Variants in EFCAB5 observed in about 807,000 individuals in gnomAD.
EFCAB5 encodes the protein EF-hand calcium-binding domain-containing protein 5.
In EFCAB5, 131 loss-of-function variants were observed where a neutral mutation model predicts 167.9. That is an observed-to-expected ratio of 0.78 (90% CI 0.68 to 0.90). EFCAB5 has a LOEUF of 0.90. EFCAB5 is among the 40% of genes least tolerant of loss of function. The probability of loss-of-function intolerance (pLI) is 0.00; values close to 1 mark genes in which losing one functional copy is unlikely to be tolerated. For missense variants in EFCAB5, 1,663 were observed against 1,745.2 expected, an observed-to-expected ratio of 0.95 and a Z score of 0.84; for synonymous variants, 574 against 602.8, an observed-to-expected ratio of 0.95 and a Z score of 0.70.
intron 4 of EFCAB5, among the ~76,000 whole-genome samples, chr17:29,986,206 C>A (rs1023913955): frequency 3.9e-5 from 6 of 152,142 alleles, no homozygotes; most frequent in Admixed American, 1.3e-4. Flanking sequence ...GTAGAGTGTC[C>A]TTCTAGACGT....
chr17:29,956,607 C>A (rs2067620841), intron 3 of EFCAB5, among the ~76,000 whole-genome samples: 1 of 152,132 alleles, frequency 6.6e-6, no homozygotes, highest in East Asian at 1.9e-4. Context: ...TATGGAGAAA[C>A]CTTTAGGCCA....
rs1404147642 is a variant in EFCAB5, at chr17:30,083,024, T to C, written c.3560T>C (p.Val1187Ala). The change falls in exon 18 of 23, where the codon GTA becomes GCA. Residue 1187 changes from valine (V) to alanine (A), a missense_variant. Physicochemically the swap from Val to Ala is moderately conservative, Grantham distance 64. Transcript: ENST00000394835. ...ATCACCTCCATCACTACGTACTTTG[T>C]AGAGCCTAGCCCAGCCCAGGTAGGC... Reference protein sequence around the residue: ...SSITSITTYFVEPSPAQDSDY... With the variant: ...SSITSITTYFAEPSPAQDSDY... 4 of 1,613,998 alleles carry C rather than the reference T, an allele frequency of 2.5e-6. No homozygotes were observed. The highest frequency in any genetic ancestry group is 3.4e-6 in the Non-Finnish European group (4 of 1,179,882).
Position 30,090,556 on chromosome 17 carries a change from T to C in EFCAB5, c.3819T>C (p.Asn1273=). ...LGVLDFNIGQ[N]RMLLCQEYKD... ...TCCTCGATTTTAACATCGGCCAAAA[T>C]AGGATGTTGTTGTGTCAAGAATATA... is the stretch of plus-strand genomic sequence containing the variant. The change falls in exon 20 of 23, where the codon AAT becomes AAC. Residue 1273 remains asparagine, a synonymous_variant. Transcript: ENST00000394835. 2 of 1,613,886 alleles carry C rather than the reference T, an allele frequency of 1.2e-6. No homozygotes were observed. The highest frequency in any genetic ancestry group is 1.7e-6 in the Non-Finnish European group (2 of 1,179,872).
chr17:29,930,031 C>G, intron 1 of EFCAB5: 1 of 1,356,388 alleles, frequency 7.4e-7, no homozygotes. Flanking sequence ...CCGGGCAGGG[C>G]ATTCTTGTCC....
At chr17:30,080,000 T>C (rs2070950394) in intron 15 of EFCAB5, 72 bp from the exon 16 acceptor site, 2 of 1,506,708 alleles carry the variant, frequency 1.3e-6, no homozygotes, top group East Asian at 2.3e-5. Flanking sequence ...ATGAATTAAC[T>C]AGTAAGGGGG....
intron 17 of EFCAB5, among the ~76,000 whole-genome samples, chr17:30,082,371 G>A (rs1797590739): frequency 6.7e-6 from 1 of 149,874 alleles, no homozygotes; most frequent in African/African-American, 2.5e-5. Flanking sequence ...AAGGTATGTG[G>A]GTCTCTCTCT....
At chr17:30,063,935 G>A (rs1487734431) in intron 14 of EFCAB5, among the ~76,000 whole-genome samples, 1 of 152,306 alleles carries the variant, frequency 6.6e-6, no homozygotes, top group South Asian at 2.1e-4. Context: ...AAACTGCACA[G>A]AGACTATACC....
chr17:30,102,483 G>A (rs1483361582), intron 22 of EFCAB5, among the ~76,000 whole-genome samples: 1 of 151,796 alleles, frequency 6.6e-6, no homozygotes, highest in Non-Finnish European at 1.5e-5. Context: ...TGATTCTCCT[G>A]CCTCAGCCTC....
chr17:30,089,606 T>C (rs2071155614), intron 19 of EFCAB5, among the ~76,000 whole-genome samples: 1 of 152,184 alleles, frequency 6.6e-6, no homozygotes, highest in African/African-American at 2.4e-5. Context: ...ATAGATGCTC[T>C]ACCCAGATCC....
chr17:30,018,000 A>C (rs1023684670), intron 7 of EFCAB5, among the ~76,000 whole-genome samples: 3 of 152,174 alleles, frequency 2.0e-5, no homozygotes, highest in African/African-American at 7.2e-5. Flanking sequence ...AGTTTTTTAA[A>C]GAAGATCACA....
intron 8 of EFCAB5, among the ~76,000 whole-genome samples, chr17:30,050,134 T>G (rs1028897479): frequency 1.3e-5 from 2 of 151,976 alleles, no homozygotes; most frequent in East Asian, 1.9e-4. Flanking sequence ...TCAGGTACTT[T>G]TTTTTCTTTT....
Position 30,108,134 on chromosome 17 carries a change from T to C in EFCAB5, c.*110T>C. On this transcript the variant is annotated 3_prime_UTR_variant, in exon 23 of 23. Coordinates refer to ENST00000394835, the MANE Select transcript of EFCAB5 (RefSeq NM_198529.4). ...TTGGAAAGGGGTACCTATAAATGTC[T>C]TCTGCTGCTAATATTTATCTCAGCA... is the stretch of plus-strand genomic sequence containing the variant. 8.2e-7 allele frequency: 1 copy of C among 1,225,980 alleles called. No homozygotes were observed. 75.9% of individuals were successfully genotyped at this position (1,225,980 alleles called of 1,614,324 possible). A position where few individuals can be genotyped will look rare whatever the true frequency, so the allele number is the denominator to read the frequency against.
At chr17:30,101,323 T>C (rs550795971) in intron 22 of EFCAB5, among the ~76,000 whole-genome samples, 8 of 152,322 alleles carry the variant, frequency 5.3e-5, no homozygotes, top group African/African-American at 1.9e-4. Context: ...AGTGGTCATA[T>C]TATATATATT....
intron 3 of EFCAB5, among the ~76,000 whole-genome samples, chr17:29,967,773 C>G (rs1022381848): frequency 6.6e-6 from 1 of 151,964 alleles, no homozygotes; most frequent in Non-Finnish European, 1.5e-5. Flanking sequence ...CTAATATCTC[C>G]GTCCTGCATT....
At chr17:30,032,330 C>G (rs1198578300) in intron 7 of EFCAB5, among the ~76,000 whole-genome samples, 2 of 152,192 alleles carry the variant, frequency 1.3e-5, no homozygotes, top group African/African-American at 4.8e-5. Context: ...AGTCTCAGTT[C>G]ACATGGAGGA....
Position 30,055,947 on chromosome 17 carries a change from G to T in EFCAB5, c.2254G>T (p.Glu752Ter). Residue 752 changes from glutamate (E) to a stop codon, truncating the protein, a stop_gained, in exon 11 of 23, where the codon GAA (glutamate) becomes TAA (stop). Coordinates refer to ENST00000394835, the MANE Select transcript of EFCAB5 (RefSeq NM_198529.4). LOFTEE classifies it high-confidence loss of function. ...KPCEPKSQKI[E>*]GKSWSGEFFT... ...CTGTGAACCCAAGTCCCAAAAAATAGAAGGAAAGTCATGGTCAGGTAACTC... is the reference window on the plus strand; with the variant it reads ...CTGTGAACCCAAGTCCCAAAAAATATAAGGAAAGTCATGGTCAGGTAACTC... 6.2e-7 allele frequency: 1 copy of T among 1,613,702 alleles called. No individual in the cohort carries two copies. Among genetic ancestry groups the T allele is most frequent in the Middle Eastern group, 1.7e-4 (1 of 6,058 alleles).
intron 8 of EFCAB5, among the ~76,000 whole-genome samples, chr17:30,038,129 C>T (rs1873110057): frequency 6.6e-6 from 1 of 152,192 alleles, no homozygotes; most frequent in Non-Finnish European, 1.5e-5. Flanking sequence ...ACTACTCCCA[C>T]AAAGACACAA....
At chr17:30,017,509 A>T (rs1285248775) in intron 7 of EFCAB5, among the ~76,000 whole-genome samples, 2 of 152,174 alleles carry the variant, frequency 1.3e-5, no homozygotes, top group African/African-American at 4.8e-5. Flanking sequence ...TACTTAGAAA[A>T]TAAAAATATA....
intron 8 of EFCAB5, among the ~76,000 whole-genome samples, chr17:30,038,204 G>C (rs1054357689): frequency 1.3e-5 from 2 of 152,180 alleles, no homozygotes. Context: ...AGCTTCAAAG[G>C]CCTAGCAGAC....
Sources: gnomAD v4.1 joint callset for allele counts (sites outside exome capture counted in the v4.1 genomes callset) on GRCh38, gnomAD v4.1.1 for gene constraint, MANE v1.5 for transcripts, NCBI Gene and HGNC (gene_info 2026-07-23, HGNC 2026-07-21) for gene names.